The following PALM2AKAP2 variants were observed in gnomAD, a reference collection of about 807,000 sequenced individuals.
PALM2AKAP2 encodes PALM2 and AKAP2 fusion.
A neutral mutation model predicts 71.5 loss-of-function variants in PALM2AKAP2; 37 were observed. The observed-to-expected ratio is 0.52, with a 90% CI of 0.40 to 0.68. PALM2AKAP2 has a LOEUF of 0.68. Among genes scored for constraint, PALM2AKAP2 ranks in the 30% least tolerant of loss-of-function variants. The probability of loss-of-function intolerance (pLI) is 0.00; values close to 1 mark genes in which losing one functional copy is unlikely to be tolerated. For missense variants in PALM2AKAP2, 1,224 were observed against 1,191.8 expected (o/e 1.03, Z -0.40); for synonymous variants, 468 against 478.8 (o/e 0.98, Z 0.29).
chr9:109,894,892 A>C (rs1830166233), intron 3 of PALM2AKAP2, among the ~76,000 whole-genome samples: 1 of 152,128 alleles, frequency 6.6e-6, no homozygotes, highest in South Asian at 2.1e-4. Flanking sequence ...CTGGGATTAC[A>C]AGCATAAGCC....
At position 109,854,839 on chromosome 9, in the gene PALM2AKAP2, C is replaced by T. The variant is rs531085229; in HGVS notation, c.46-12652C>T. 4.4e-4 allele frequency among the ~76,000 whole-genome samples: 57 copies of T among 130,572 alleles called. 1 individual carries two copies. The Middle Eastern group carries it at 0.022, about 50-fold the overall frequency. The allele number at this position is 130,572 out of a possible 152,430, so 85.7% of individuals were successfully genotyped here. On this transcript the variant is annotated intron_variant, in intron 1 of 9. Transcript: ENST00000302798. ...AGGCTGGAGTGCAGTGGCACAATCT[C>T]GGCTCACTGCAACTTCTGCCTCCCA...
chr9:109,922,376 C>T (rs1381897944), intron 3 of PALM2AKAP2, among the ~76,000 whole-genome samples: 10 of 121,602 alleles, frequency 8.2e-5, no homozygotes, highest in South Asian at 2.8e-4. Context: ...GAGCTATGAT[C>T]GTACCACTAC....
chr9:109,942,865 C>T, intron 6 of PALM2AKAP2: 1 of 1,614,118 alleles, frequency 6.2e-7, no homozygotes, highest in Non-Finnish European at 8.5e-7. Flanking sequence ...AAATGGAGTG[C>T]ACAAATTAAG....
chr9:110,023,566 G>A lies in PALM2AKAP2; in HGVS notation c.582+7527G>A, dbSNP rs367807606. The stretch of plus-strand genomic sequence containing the variant: ...CCACCTCAAATGATCCACCCGCCTC[G>A]GCCTCACAAAGTGCTGGGATTACAG... On this transcript the variant is annotated intron_variant, in intron 7 of 9. Coordinates refer to the PALM2AKAP2 transcript ENST00000302798. 1.6e-3 allele frequency among the ~76,000 whole-genome samples: 248 copies of A among 151,830 alleles called. 5 individuals carry two copies. In the South Asian group the frequency reaches 0.046, roughly 28 times the overall value.
intron 1 of PALM2AKAP2, among the ~76,000 whole-genome samples, chr9:109,825,776 T>C (rs373210592): frequency 6.6e-6 from 1 of 152,130 alleles, no homozygotes; most frequent in Non-Finnish European, 1.5e-5. Flanking sequence ...GGACTGTAAA[T>C]TAGTTCAACC....
intron 2 of PALM2AKAP2, among the ~76,000 whole-genome samples, chr9:110,149,192 A>G (rs894157851): frequency 6.6e-6 from 1 of 152,228 alleles, no homozygotes; most frequent in African/African-American, 2.4e-5. Flanking sequence ...CCCACTCATG[A>G]TGGGACTAAA....
chr9:109,803,654 G>A (rs528888152), intron 1 of PALM2AKAP2, among the ~76,000 whole-genome samples: 2 of 152,328 alleles, frequency 1.3e-5, no homozygotes, highest in Admixed American at 1.3e-4. Context: ...TGTGGCTCTT[G>A]AGGGAACCAG....
chr9:109,642,084 C>T (rs1212640531), intron 1 of PALM2AKAP2, among the ~76,000 whole-genome samples: 3 of 152,110 alleles, frequency 2.0e-5, no homozygotes, highest in Non-Finnish European at 4.4e-5. Context: ...CACTTTGAAG[C>T]ATTATTGAGA....
At chr9:109,998,782 A>AAAAG (rs992151546) in intron 6 of PALM2AKAP2, among the ~76,000 whole-genome samples, 2 of 144,754 alleles carry the variant, frequency 1.4e-5, no homozygotes, top group African/African-American at 2.6e-5. Flanking sequence ...AAAAAAAAAA[A>AAAAG]GGGGGGATAG....
chr9:109,726,905 A>G (rs1462567749), intron 1 of PALM2AKAP2, among the ~76,000 whole-genome samples: 8 of 152,206 alleles, frequency 5.3e-5, no homozygotes, highest in Non-Finnish European at 1.2e-4. Context: ...TGGGTACCAA[A>G]CCGGACAGTG....
In PALM2AKAP2 at chr9:109,686,927, G is replaced by A. The variant is rs137889366; in HGVS notation, c.5+46061G>A. On this transcript the variant is annotated intron_variant, in intron 1 of 6. Transcript: ENST00000374531. ...CCACCTATGAGTGAGAATATGCAGT[G>A]TTTGGTTTTTTGTCCTTGTGATAGT... 1.2e-3 allele frequency among the ~76,000 whole-genome samples: 179 copies of A among 151,240 alleles called. 1 individual carries two copies. The highest frequency in any genetic ancestry group is 4.1e-3 in the African/African-American group (169 of 41,182).
intron 1 of PALM2AKAP2, among the ~76,000 whole-genome samples, chr9:110,088,714 T>G (rs1462450609): frequency 6.1e-5 from 8 of 130,726 alleles, no homozygotes; most frequent in East Asian, 4.7e-4. Flanking sequence ...TTTTTTTTTT[T>G]TTTTTTTTTT....
chr9:109,946,022 G>A (rs917520345), intron 6 of PALM2AKAP2: 1 of 152,166 alleles, frequency 6.6e-6, no homozygotes, highest in African/African-American at 2.4e-5. Flanking sequence ...CTTTATTCGA[G>A]CTATTTGTAG....
At chr9:110,109,305 G>T (rs1175558989) in intron 1 of PALM2AKAP2, among the ~76,000 whole-genome samples, 1 of 104,608 alleles carries the variant, frequency 9.6e-6, no homozygotes, top group Admixed American at 1.2e-4. Context: ...CAACAAGAGG[G>T]AATCTTTGTC....
chr9:109,751,478 A>T (rs1420294380), intron 1 of PALM2AKAP2, among the ~76,000 whole-genome samples: 2 of 152,144 alleles, frequency 1.3e-5, no homozygotes, highest in African/African-American at 2.4e-5. Flanking sequence ...CAGACTCTAG[A>T]GGGAACTCCA....
chr9:110,084,737 T>G (rs1014466979), intron 1 of PALM2AKAP2, among the ~76,000 whole-genome samples: 2 of 152,126 alleles, frequency 1.3e-5, no homozygotes, highest in South Asian at 4.1e-4. Flanking sequence ...TGTTTGTTTG[T>G]TTTTCTTTTT....
At chr9:109,805,115 A>G (rs1297582626) in intron 1 of PALM2AKAP2, among the ~76,000 whole-genome samples, 1 of 152,216 alleles carries the variant, frequency 6.6e-6, no homozygotes, top group Non-Finnish European at 1.5e-5. Flanking sequence ...CTGGGAAGAA[A>G]CAGCTTAAGG....
intron 1 of PALM2AKAP2, among the ~76,000 whole-genome samples, chr9:109,673,498 T>C (rs1827605511): frequency 6.6e-6 from 1 of 152,142 alleles, no homozygotes; most frequent in African/African-American, 2.4e-5. Flanking sequence ...TTGCATTTGC[T>C]GAGGAGTGTT....
chr9:109,690,373 C>G (rs1037701390), intron 1 of PALM2AKAP2, among the ~76,000 whole-genome samples: 6 of 152,142 alleles, frequency 3.9e-5, no homozygotes, highest in Admixed American at 1.3e-4. Flanking sequence ...TGAGAATTCT[C>G]TCTTTTTCTG....
Sources: gnomAD v4.1 joint callset for allele counts (sites outside exome capture counted in the v4.1 genomes callset) on GRCh38, gnomAD v4.1.1 for gene constraint, MANE v1.5 for transcripts, NCBI Gene and HGNC (gene_info 2026-07-23, HGNC 2026-07-21) for gene names.